The following DOCK3 variants were observed in gnomAD, a reference collection of about 807,000 sequenced individuals.
The protein encoded by DOCK3 is dedicator of cytokinesis 3.
A neutral mutation model predicts 265.6 loss-of-function variants in DOCK3; 60 were observed. That is an observed-to-expected ratio of 0.23 (90% confidence interval 0.18 to 0.28). The LOEUF (loss-of-function observed/expected upper bound fraction) is 0.28. DOCK3 is among the 10% of genes least tolerant of loss of function. The pLI is 1.00. For missense variants in DOCK3, 1,981 were observed against 2,594.3 expected, an observed-to-expected ratio of 0.76 and a Z score of 5.14; for synonymous variants, 881 against 938.0, an observed-to-expected ratio of 0.94 and a Z score of 1.11.
intron 3 of DOCK3, among the ~76,000 whole-genome samples, chr3:50,878,525 T>C (rs1359072293): frequency 6.6e-6 from 1 of 152,118 alleles, no homozygotes; most frequent in Non-Finnish European, 1.5e-5. Context: ...GAAGAAAGGG[T>C]ATCAGTGATT....
chr3:51,043,736 A>G (rs2080638296), intron 5 of DOCK3, among the ~76,000 whole-genome samples: 1 of 151,148 alleles, frequency 6.6e-6, no homozygotes, highest in Non-Finnish European at 1.5e-5. Flanking sequence ...AATTTACAAG[A>G]AAAAAAAACC....
At chr3:51,236,297 C>A in intron 19 of DOCK3, 48 bp from the exon 20 acceptor site, 1 of 1,365,006 alleles carries the variant, frequency 7.3e-7, no homozygotes, top group Non-Finnish European at 1.0e-6. Flanking sequence ...GAAGTTTGTG[C>A]GTGTAAGGTC....
At chr3:51,336,313 G>C (rs2084868817) in intron 35 of DOCK3, among the ~76,000 whole-genome samples, 4 of 151,872 alleles carry the variant, frequency 2.6e-5, no homozygotes, top group Admixed American at 2.6e-4. Context: ...CCCAGGTTAG[G>C]AAGCAGAGCC....
intron 37 of DOCK3, 94 bp downstream of exon 37, chr3:51,339,122 C>A: frequency 9.2e-7 from 1 of 1,084,946 alleles, no homozygotes; most frequent in Non-Finnish European, 1.3e-6. Flanking sequence ...CTGGTGCCTG[C>A]CAGATCTCAG....
chr3:51,264,949 C>G (rs1431579316), intron 23 of DOCK3, among the ~76,000 whole-genome samples: 1 of 151,984 alleles, frequency 6.6e-6, no homozygotes, highest in East Asian at 1.9e-4. Flanking sequence ...AATAGATAGA[C>G]TGCTAGCCAG....
At chr3:51,317,736 A>G (rs1285775034) in intron 32 of DOCK3, among the ~76,000 whole-genome samples, 1 of 151,796 alleles carries the variant, frequency 6.6e-6, no homozygotes, top group African/African-American at 2.4e-5. Context: ...CACAATGTAT[A>G]CATATATCAA....
At chr3:50,854,196 T>C (rs930874833) in intron 3 of DOCK3, among the ~76,000 whole-genome samples, 4 of 152,202 alleles carry the variant, frequency 2.6e-5, no homozygotes, top group African/African-American at 9.6e-5. Context: ...TCCTTATAGA[T>C]TCTAGATAGT....
chr3:50,698,517 G>GGTTTTTTTTTTTTTTT (rs2035792982), intron 1 of DOCK3, among the ~76,000 whole-genome samples: 2 of 19,506 alleles, frequency 1.0e-4, no homozygotes, highest in Non-Finnish European at 2.4e-4. Context: ...TATGTTTTTG[G>GGTTTTTTTTTTTTTTT]TTTTTTTTTT....
intron 12 of DOCK3, among the ~76,000 whole-genome samples, chr3:51,161,240 C>T (rs1195759916): frequency 2.0e-5 from 3 of 151,972 alleles, no homozygotes; most frequent in African/African-American, 7.3e-5. Flanking sequence ...GTCAGGAGAT[C>T]GAGACCATCT....
At chr3:50,690,625 GTTCA>G (rs375895436) in intron 1 of DOCK3, among the ~76,000 whole-genome samples, 60 of 151,600 alleles carry the variant, frequency 4.0e-4, no homozygotes, top group African/African-American at 8.7e-4. Flanking sequence ...TCGTTCGTTC[GTTCA>G]TTCATTCATT....
intron 3 of DOCK3, among the ~76,000 whole-genome samples, chr3:50,845,617 A>C (rs2046043037): frequency 6.6e-6 from 1 of 152,160 alleles, no homozygotes; most frequent in Non-Finnish European, 1.5e-5. Context: ...AATCTAAGGA[A>C]TTTACACTTT....
intron 27 of DOCK3, among the ~76,000 whole-genome samples, chr3:51,283,406 G>A (rs1314678998): frequency 6.6e-6 from 1 of 152,302 alleles, no homozygotes; most frequent in African/African-American, 2.4e-5. Context: ...GAGGAAATTT[G>A]TATCTCTAGA....
At chr3:51,312,683 C>G in intron 30 of DOCK3, 107 bp downstream of exon 30, 1 of 1,276,614 alleles carries the variant, frequency 7.8e-7, no homozygotes, top group Admixed American at 2.6e-5. Context: ...GGGTGGTTTC[C>G]CAGGGGCCCA....
Position 51,157,583 on chromosome 3 carries a change from G to C in DOCK3, c.829-1661G>C, listed in dbSNP as rs544112710. Among the ~76,000 whole-genome samples the C allele has an allele frequency of 2.7e-3, 416 of 152,164 alleles. 2 individuals carry two copies. Among genetic ancestry groups the C allele is most frequent in the African/African-American group, 9.5e-3 (396 of 41,532 alleles). ...CTTAGTGTCTCCTTTTCTTTCATAT[G>C]TTTAAGGCCATTTAATAGGGCGAGG... On this transcript the variant is annotated intron_variant, in intron 10 of 52. Transcript: ENST00000266037.
intron 21 of DOCK3, among the ~76,000 whole-genome samples, chr3:51,242,288 C>T (rs1364747533): frequency 6.6e-6 from 1 of 152,126 alleles, no homozygotes; most frequent in African/African-American, 2.4e-5. Context: ...GTTAGGAATC[C>T]ACTGTACTGG....
intron 22 of DOCK3, among the ~76,000 whole-genome samples, chr3:51,248,865 A>C (rs2078985021): frequency 7.4e-6 from 1 of 135,426 alleles, no homozygotes; most frequent in Non-Finnish European, 1.6e-5. Context: ...GGATGTGAGG[A>C]GCGCCTCTGC....
rs141715192 is a variant in DOCK3 at position 50,849,260 on chromosome 3, C to G, written c.162+7545C>G. Among the ~76,000 whole-genome samples the G allele has an allele frequency of 1.8e-4, 27 of 151,694 alleles. No homozygotes were observed. The East Asian group carries it at 2.7e-3, about 15-fold the overall frequency. On this transcript the variant is annotated intron_variant, in intron 3 of 52. Coordinates refer to ENST00000266037, the MANE Select transcript of DOCK3 (RefSeq NM_004947.5). ...ACATTACTAGAGCTGGTTTCGAATT[C>G]CTGGGCTCAAGCAATCTTCCTTCCT...
At chr3:51,188,177 A>G (rs890340551) in intron 12 of DOCK3, among the ~76,000 whole-genome samples, 1 of 152,166 alleles carries the variant, frequency 6.6e-6, no homozygotes, top group African/African-American at 2.4e-5. Context: ...AAATTTCTTC[A>G]TGAGATGCCC....
At chr3:51,050,478 C>T (rs961200025) in intron 5 of DOCK3, among the ~76,000 whole-genome samples, 2 of 152,078 alleles carry the variant, frequency 1.3e-5, no homozygotes, top group African/African-American at 4.8e-5. Context: ...TCCAAAGAAA[C>T]AGAATCAATA....
Sources: gnomAD v4.1 joint callset for allele counts (sites outside exome capture counted in the v4.1 genomes callset) on GRCh38, gnomAD v4.1.1 for gene constraint, MANE v1.5 for transcripts, NCBI Gene and HGNC (gene_info 2026-07-23, HGNC 2026-07-21) for gene names.